Variants in BFAR observed in about 807,000 individuals in gnomAD.
The protein encoded by BFAR is bifunctional apoptosis regulator.
A neutral mutation model predicts 54.4 loss-of-function variants in BFAR; 52 were observed. That is an observed-to-expected ratio of 0.96 (90% confidence interval 0.77 to 1.21). BFAR has a LOEUF of 1.21. Among genes scored for constraint, BFAR ranks in the 50% most tolerant of loss-of-function variants. The probability of loss-of-function intolerance (pLI) is 0.00; values close to 1 mark genes in which losing one functional copy is unlikely to be tolerated. For missense variants in BFAR, 571 were observed against 534.0 expected (o/e 1.07, Z -0.68); for synonymous variants, 215 against 204.3 (o/e 1.05, Z -0.45).
chr16:14,664,469 G>T (rs1442190712), intron 6 of BFAR, among the ~76,000 whole-genome samples: 1 of 151,260 alleles, frequency 6.6e-6, no homozygotes, highest in Non-Finnish European at 1.5e-5. Flanking sequence ...ATGTGTGTGT[G>T]TGTGTGGTAA....
intron 1 of BFAR, among the ~76,000 whole-genome samples, chr16:14,636,423 C>T (rs1959443971): frequency 6.6e-6 from 1 of 152,302 alleles, no homozygotes; most frequent in East Asian, 1.9e-4. Flanking sequence ...GCATCATAGA[C>T]AAGGTAAAGA....
At chr16:14,654,962 A>C (rs1011444730) in intron 4 of BFAR, 104 bp from the exon 5 acceptor site, 1 of 1,219,482 alleles carries the variant, frequency 8.2e-7, no homozygotes, top group Non-Finnish European at 1.1e-6. Context: ...GTCTCACCAT[A>C]CCTCAAGCCT....
intron 1 of BFAR, among the ~76,000 whole-genome samples, chr16:14,638,903 C>T (rs964008763): frequency 6.6e-6 from 1 of 151,710 alleles, no homozygotes; most frequent in Non-Finnish European, 1.5e-5. Context: ...CGAGATTGCA[C>T]CACTGCACTG....
chr16:14,667,862 G>A lies in BFAR; in HGVS notation c.*35G>A, dbSNP rs117674105. The A allele has an allele frequency of 0.014, 21,525 of 1,589,380 alleles. 192 individuals are homozygous for A. The highest frequency in any genetic ancestry group is 0.017 in the Non-Finnish European group (19,768 of 1,159,144). On this transcript the variant is annotated 3_prime_UTR_variant, in exon 8 of 8. Transcript: ENST00000261658. ...CCCAGGCTGAGACTCTTCAAGTCCCGCTGACGTCTGAGCTTTGATGCTTAA... is the reference window on the plus strand; with the variant it reads ...CCCAGGCTGAGACTCTTCAAGTCCCACTGACGTCTGAGCTTTGATGCTTAA...
chr16:14,636,588 ATTGCCCAG>A (rs1185902284), intron 1 of BFAR, among the ~76,000 whole-genome samples: 9 of 152,198 alleles, frequency 5.9e-5, no homozygotes, highest in Non-Finnish European at 1.0e-4. Context: ...AAGACATTCC[ATTGCCCAG>A]GGACGGGCAG....
At chr16:14,660,308 T>C (rs1181778021) in intron 5 of BFAR, among the ~76,000 whole-genome samples, 1 of 152,144 alleles carries the variant, frequency 6.6e-6, no homozygotes, top group Non-Finnish European at 1.5e-5. Flanking sequence ...CTTTTTGAGA[T>C]GGAGTTTTGC....
intron 2 of BFAR, among the ~76,000 whole-genome samples, chr16:14,646,126 A>G (rs570939608): frequency 2.0e-5 from 3 of 152,012 alleles, no homozygotes; most frequent in Admixed American, 1.3e-4. Context: ...ATCTCGACTT[A>G]CCACAACCTC....
chr16:14,645,983 C>T (rs917812520), intron 2 of BFAR, among the ~76,000 whole-genome samples: 1 of 152,164 alleles, frequency 6.6e-6, no homozygotes, highest in Non-Finnish European at 1.5e-5. Flanking sequence ...ATTCTCCTGC[C>T]TCAGCCTCTG....
rs1301470963 is a variant in BFAR at position 14,658,151 on chromosome 16, A to AG, written c.783+2945dup. On this transcript the variant is annotated intron_variant, in intron 5 of 7. Transcript: ENST00000261658. ...AACAGCTCTGTCTCTAGCAAGAGAG[A>AG]GGGGACTTCCAAGAGGAAAAGACTG... Among the ~76,000 whole-genome samples, 4 of 152,174 alleles carry AG rather than the reference A, an allele frequency of 2.6e-5. No individual in the cohort carries two copies. In the East Asian group the frequency reaches 7.7e-4, roughly 29 times the overall value.
chr16:14,642,124 C>T (rs917326582), intron 1 of BFAR, among the ~76,000 whole-genome samples: 2 of 152,212 alleles, frequency 1.3e-5, no homozygotes, highest in Non-Finnish European at 1.5e-5. Flanking sequence ...GAGCATGAAG[C>T]GTGAGCCCTT....
At chr16:14,663,951 A>T (rs1960363694) in intron 6 of BFAR, among the ~76,000 whole-genome samples, 1 of 151,812 alleles carries the variant, frequency 6.6e-6, no homozygotes, top group African/African-American at 2.4e-5. Flanking sequence ...TTAATTTGAG[A>T]TTAATTACGG....
intron 6 of BFAR, among the ~76,000 whole-genome samples, chr16:14,663,478 C>T (rs1960350989): frequency 6.6e-6 from 1 of 151,984 alleles, no homozygotes; most frequent in South Asian, 2.1e-4. Flanking sequence ...ACTACAGGCG[C>T]CCGCCACCAC....
chr16:14,649,868 C>T lies in BFAR; in HGVS notation c.533C>T (p.Ala178Val). 6.2e-7 allele frequency: 1 copy of T among 1,613,494 alleles called. No homozygotes were observed. The highest frequency in any genetic ancestry group is 2.2e-5 in the East Asian group (1 of 44,866). ...ESEHDLLVHK[A>V]VAKWTAEEVV... ...GAACACGACCTCCTGGTCCACAAGGCTGTGGCCAAATGGACGGCGGAAGAA... is the reference window on the plus strand; with the variant it reads ...GAACACGACCTCCTGGTCCACAAGGTTGTGGCCAAATGGACGGCGGAAGAA... The change falls in exon 4 of 8, where the codon GCT becomes GTT. Residue 178 changes from alanine to valine, a missense_variant. Coordinates refer to ENST00000261658, the MANE Select transcript of BFAR (RefSeq NM_016561.3).
intron 4 of BFAR, among the ~76,000 whole-genome samples, chr16:14,652,556 C>T (rs1960002238): frequency 6.6e-6 from 1 of 152,092 alleles, no homozygotes; most frequent in Non-Finnish European, 1.5e-5. Flanking sequence ...GCTAGGATTA[C>T]ACGTGTGAGC....
chr16:14,657,605 C>T (rs764804505), intron 5 of BFAR, among the ~76,000 whole-genome samples: 3 of 151,534 alleles, frequency 2.0e-5, no homozygotes, highest in South Asian at 2.1e-4. Context: ...TGCAGTGGTG[C>T]GACCTTAGCT....
intron 1 of BFAR, among the ~76,000 whole-genome samples, chr16:14,640,677 G>A (rs931158294): frequency 1.3e-5 from 2 of 152,184 alleles, no homozygotes; most frequent in African/African-American, 4.8e-5. Context: ...TGTTAATAAT[G>A]ATGCGTCACC....
intron 1 of BFAR, 107 bp from the exon 2 acceptor site, chr16:14,644,162 CAAAAA>C (rs368944439): frequency 4.8e-5 from 24 of 505,150 alleles, no homozygotes; most frequent in East Asian, 6.6e-5. Flanking sequence ...GACTGTGTCT[CAAAAA>C]AAAAAAAAAA....
rs1258417507 is a variant in BFAR, at chr16:14,632,953, C to G, written c.-139C>G. ...ACTTCCGGTAGCGAAGCCTCTCCCT[C>G]TTCCTCTGCTCCCGCGGGGTCTGTG... On this transcript the variant is annotated 5_prime_UTR_variant, in exon 1 of 8. Transcript: ENST00000261658. The G allele has an allele frequency of 6.4e-6, 1 of 155,670 alleles. No individual in the cohort carries two copies. Among genetic ancestry groups the G allele is most frequent in the Non-Finnish European group, 1.4e-5 (1 of 69,786 alleles). The allele number at this position is 155,670 out of a possible 1,614,324, so 9.6% of individuals were successfully genotyped here.
intron 6 of BFAR, among the ~76,000 whole-genome samples, chr16:14,662,538 G>C (rs569308894): frequency 1.3e-5 from 2 of 152,102 alleles, no homozygotes; most frequent in Non-Finnish European, 2.9e-5. Context: ...TTGATTGTTT[G>C]AGATTGGGTC....
Sources: gnomAD v4.1 joint callset for allele counts (sites outside exome capture counted in the v4.1 genomes callset) on GRCh38, gnomAD v4.1.1 for gene constraint, MANE v1.5 for transcripts, NCBI Gene and HGNC (gene_info 2026-07-23, HGNC 2026-07-21) for gene names.